The following TMEM30A variants were observed in gnomAD, a reference collection of about 807,000 sequenced individuals.
TMEM30A encodes the protein cell division cycle 50 P4-ATPase accessory subunit A, also known as cell cycle control protein 50A.
In TMEM30A, 24 loss-of-function variants were observed where a neutral mutation model predicts 38.2. The ratio of observed to expected loss-of-function variants is 0.63; its 90% CI spans 0.46 to 0.88. The LOEUF (loss-of-function observed/expected upper bound fraction) is 0.88, where lower values mean the gene tolerates loss of function less well. Among genes scored for constraint, TMEM30A ranks in the 40% least tolerant of loss-of-function variants. TMEM30A has a pLI of 0.00. For synonymous variants in TMEM30A, 145 were observed against 161.6 expected (o/e 0.90, Z 0.78); for missense variants, 370 against 458.6 (o/e 0.81, Z 1.77).
intron 1 of TMEM30A, chr6:75,273,050 G>A (rs1279924490): frequency 6.6e-6 from 1 of 152,316 alleles, no homozygotes; most frequent in East Asian, 1.9e-4. Flanking sequence ...GGATCAGACT[G>A]TTTATACTTT....
chr6:75,260,540 A>G (rs955794359), intron 4 of TMEM30A, among the ~76,000 whole-genome samples: 4 of 152,202 alleles, frequency 2.6e-5, no homozygotes, highest in African/African-American at 9.7e-5. Flanking sequence ...TTTCAATGAT[A>G]AAAATGAAGT....
chr6:75,259,295 C>A, intron 5 of TMEM30A, 52 bp downstream of exon 5: 1 of 1,528,018 alleles, frequency 6.5e-7, no homozygotes, highest in Non-Finnish European at 8.8e-7. Context: ...ATTTAAAATA[C>A]TTCATTAAAA....
intron 1 of TMEM30A, among the ~76,000 whole-genome samples, chr6:75,268,686 G>A (rs1772113429): frequency 6.6e-6 from 1 of 152,182 alleles, no homozygotes; most frequent in Admixed American, 6.5e-5. Flanking sequence ...TGGGTGACCT[G>A]GAGATCCCTG....
intron 1 of TMEM30A, among the ~76,000 whole-genome samples, chr6:75,271,571 G>A (rs1437055458): frequency 2.6e-5 from 4 of 152,058 alleles, no homozygotes; most frequent in South Asian, 2.1e-4. Context: ...GCAATCATAC[G>A]TTATACAGTT....
At position 75,267,614 on chromosome 6, in the gene TMEM30A, T is replaced by C. The variant is rs764541693; in HGVS notation, c.345+27A>G. The C allele has an allele frequency of 2.6e-6, 4 of 1,523,226 alleles. No homozygotes were observed. In the East Asian group the frequency reaches 9.1e-5, roughly 34 times the overall value. 94.4% of individuals were successfully genotyped at this position (1,523,226 alleles called of 1,614,324 possible). ...TCAGTATTTTTTAAAGCATGGCTTT[T>C]CTAGCACATTACTTGGAAACACAGA... On this transcript the variant is annotated intron_variant, in intron 2 of 6. Coordinates refer to ENST00000230461, the MANE Select transcript of TMEM30A (RefSeq NM_018247.4).
intron 1 of TMEM30A, among the ~76,000 whole-genome samples, chr6:75,268,005 T>G (rs1034757871): frequency 6.6e-6 from 1 of 152,182 alleles, no homozygotes; most frequent in African/African-American, 2.4e-5. Context: ...ATGCATAAAA[T>G]CATACATACA....
rs1231348789 is a variant in TMEM30A, at chr6:75,254,325, G to A, written c.*1777C>T. 1.3e-5 allele frequency: 2 copies of A among 151,850 alleles called. No individual in the cohort carries two copies. The highest frequency in any genetic ancestry group is 4.8e-5 in the African/African-American group (2 of 41,364). The allele number at this position is 151,850 out of a possible 1,614,324, so 9.4% of individuals were successfully genotyped here. A position where few individuals can be genotyped will look rare whatever the true frequency, so the allele number is the denominator to read the frequency against. ...GCAGAAACCCCTCTCCCCCAACAAT[G>A]TATCCCCGAAAATAAACTGCCAAGT... is the stretch of plus-strand genomic sequence containing the variant. On this transcript the variant is annotated 3_prime_UTR_variant, in exon 7 of 7. Transcript: ENST00000230461.
At chr6:75,266,104 G>A (rs2149520696) in intron 2 of TMEM30A, among the ~76,000 whole-genome samples, 1 of 152,292 alleles carries the variant, frequency 6.6e-6, no homozygotes, top group Admixed American at 6.5e-5. Flanking sequence ...AAGATGCTAA[G>A]AAGCCATCTT....
chr6:75,278,461 C>T (rs150606277), intron 1 of TMEM30A, among the ~76,000 whole-genome samples: 5 of 152,264 alleles, frequency 3.3e-5, no homozygotes, highest in African/African-American at 1.2e-4. Context: ...CAAGAACCTT[C>T]TTTAAAAGGC....
Position 75,258,797 on chromosome 6 carries a change from G to A in TMEM30A, c.875C>T (p.Ser292Phe). Residue 292 changes from serine to phenylalanine, a missense_variant, in exon 6 of 7, where the codon TCT becomes TTT. Ser to Phe is a radical substitution (Grantham distance 155). Transcript: ENST00000230461. ...LHPTLPAGRY[S>F]LNVTYNYPVH... ...AAGGATACTGTATGTGACATTCAAA[G>A]AGTATCGGCCAGCTGGTAATGTTGG... The A allele has an allele frequency of 3.1e-6, 5 of 1,613,776 alleles. No homozygotes were observed. The South Asian group carries it at 4.4e-5, about 14-fold the overall frequency.
At position 75,252,936 on chromosome 6, in the gene TMEM30A, CAAGAT is replaced by C. The variant is rs1771805168; in HGVS notation, c.*3161_*3165del. On this transcript the variant is annotated 3_prime_UTR_variant, in exon 7 of 7. Coordinates refer to ENST00000230461, the MANE Select transcript of TMEM30A (RefSeq NM_018247.4). ...CACCACGGTCTGATTTGTTTTTAGA[CAAGAT>C]ATTTATTTTGAAGTTCCAAATGACA... 6.6e-6 allele frequency: 1 copy of C among 152,004 alleles called. No individual in the cohort carries two copies. The highest frequency in any genetic ancestry group is 1.5e-5 in the Non-Finnish European group (1 of 67,968). 9.4% of individuals were successfully genotyped at this position (152,004 alleles called of 1,614,324 possible). A position where few individuals can be genotyped will look rare whatever the true frequency, so the allele number is the denominator to read the frequency against.
intron 6 of TMEM30A, among the ~76,000 whole-genome samples, chr6:75,257,855 AG>A (rs1347473554): frequency 1.3e-5 from 2 of 152,250 alleles, no homozygotes. Flanking sequence ...AAAAATGCAA[AG>A]ATCAGCAAAC....
At chr6:75,256,354 T>C in intron 6 of TMEM30A, 59 bp from the exon 7 acceptor site, 1 of 1,475,188 alleles carries the variant, frequency 6.8e-7, no homozygotes, top group Non-Finnish European at 9.2e-7. Flanking sequence ...AAAATACAAT[T>C]TTAAAAGTTG....
chr6:75,279,911 G>T lies in TMEM30A; in HGVS notation c.237+4491C>A, dbSNP rs1399423254. ...AACAGGTCATTCAACAAAATGCTGA[G>T]TAATAAGGTAAATCATTTTAAGTAT... is the stretch of plus-strand genomic sequence containing the variant. On this transcript the variant is annotated intron_variant, in intron 1 of 6. Coordinates refer to ENST00000230461, the MANE Select transcript of TMEM30A (RefSeq NM_018247.4). Among the ~76,000 whole-genome samples, 6 of 152,240 alleles carry T rather than the reference G, an allele frequency of 3.9e-5. No individual in the cohort carries two copies. In the East Asian group the frequency reaches 1.2e-3, roughly 29 times the overall value.
intron 3 of TMEM30A, among the ~76,000 whole-genome samples, chr6:75,262,070 G>A (rs537612402): frequency 1.3e-5 from 2 of 152,160 alleles, no homozygotes; most frequent in African/African-American, 4.8e-5. Flanking sequence ...ATGAGGGCCG[G>A]GTGCGGTGGC....
rs775023238 is a variant in TMEM30A, at chr6:75,254,295, G to A, written c.*1807C>T. 6 of 152,084 alleles carry A rather than the reference G, an allele frequency of 3.9e-5. No individual in the cohort carries two copies. In the East Asian group the frequency reaches 7.7e-4, roughly 20 times the overall value. The allele number at this position is 152,084 out of a possible 1,614,324, so 9.4% of individuals were successfully genotyped here. On this transcript the variant is annotated 3_prime_UTR_variant, in exon 7 of 7. Transcript: ENST00000230461. ...AAACAGCACAGACTCAATCTGGAAA[G>A]AGTGGCAGAAACCCCTCTCCCCCAA...
chr6:75,261,402 A>G (rs1388636571), intron 3 of TMEM30A, among the ~76,000 whole-genome samples: 1 of 152,228 alleles, frequency 6.6e-6, no homozygotes, highest in Non-Finnish European at 1.5e-5. Flanking sequence ...GTTAAATCCT[A>G]TATCTAAGAA....
At chr6:75,263,706 G>A (rs543010156) in intron 3 of TMEM30A, among the ~76,000 whole-genome samples, 4 of 152,174 alleles carry the variant, frequency 2.6e-5, no homozygotes, top group Admixed American at 2.6e-4. Flanking sequence ...GGGCAGCCAG[G>A]CCTTGTTTAA....
Position 75,259,414 on chromosome 6 carries a change from C to T in TMEM30A, c.618G>A (p.Trp206Ter). Residue 206 changes from tryptophan (W) to a stop codon, truncating the protein, a stop_gained, in exon 5 of 7, where the codon TGG becomes TGA. Transcript: ENST00000230461. LOFTEE classifies it high-confidence loss of function. Reference protein sequence around the residue: ...PIALKKKGIAWWTDKNVKFRN... With the variant: ...PIALKKKGIA The stretch of plus-strand genomic sequence containing the variant: ...TGAATTTCACATTTTTATCTGTCCA[C>T]CAAGCAATACCTTTCTTTTTCAAAG... 6.2e-7 allele frequency: 1 copy of T among 1,613,416 alleles called. No individual in the cohort carries two copies. The highest frequency in any genetic ancestry group is 2.2e-5 in the East Asian group (1 of 44,750).
Sources: allele counts gnomAD v4.1 joint callset (sites outside exome capture counted in the v4.1 genomes callset), GRCh38; gene constraint gnomAD v4.1.1; transcripts MANE v1.5; gene names NCBI Gene and HGNC (gene_info 2026-07-23, HGNC 2026-07-21).